Variants in RBM19 observed in about 807,000 individuals in gnomAD.
RBM19 encodes the protein probable RNA-binding protein 19.
Under a neutral mutation model 116.8 loss-of-function variants are expected in RBM19, and 94 were observed. The observed-to-expected ratio is 0.80, with a 90% CI of 0.68 to 0.95. RBM19 has a LOEUF of 0.95. Ranked by LOEUF, RBM19 falls within the 40% of genes least tolerant of loss-of-function variation. RBM19 has a pLI of 0.00. For synonymous variants in RBM19, 475 were observed against 494.1 expected, an observed-to-expected ratio of 0.96 and a Z score of 0.51; for missense variants, 1,161 against 1,220.7, an observed-to-expected ratio of 0.95 and a Z score of 0.73.
chr12:113,942,714 A>G (rs539923970), intron 13 of RBM19, among the ~76,000 whole-genome samples: 6 of 151,518 alleles, frequency 4.0e-5, no homozygotes, highest in Admixed American at 4.0e-4. Flanking sequence ...GACTCATGCA[A>G]TCTTCACACT....
chr12:113,941,681 C>A (rs532272920), intron 14 of RBM19, among the ~76,000 whole-genome samples: 44 of 151,122 alleles, frequency 2.9e-4, no homozygotes, highest in Non-Finnish European at 5.6e-4. Context: ...ATCCATCCAC[C>A]CATCCCCCAT....
At chr12:113,960,223 G>C in intron 2 of RBM19, 45 bp from the exon 3 acceptor site, 1 of 1,611,554 alleles carries the variant, frequency 6.2e-7, no homozygotes, top group Non-Finnish European at 8.5e-7. Context: ...ATGGCACCCA[G>C]GCGTTGGGTG....
chr12:113,851,974 C>T (rs1437111859), intron 22 of RBM19, among the ~76,000 whole-genome samples: 3 of 151,742 alleles, frequency 2.0e-5, no homozygotes, highest in East Asian at 1.9e-4. Context: ...TCGCTTGAAC[C>T]GAGGAGGTGG....
At chr12:113,828,089 G>A (rs889957454) in intron 23 of RBM19, among the ~76,000 whole-genome samples, 8 of 131,028 alleles carry the variant, frequency 6.1e-5, no homozygotes, top group East Asian at 2.3e-4. Flanking sequence ...AGCAGCTCTC[G>A]ACTCTGTCTC....
chr12:113,915,562 T>C (rs1199867216), intron 20 of RBM19, among the ~76,000 whole-genome samples: 1 of 152,168 alleles, frequency 6.6e-6, no homozygotes, highest in Non-Finnish European at 1.5e-5. Flanking sequence ...CCATCCCCAA[T>C]GCAGTGCTAC....
intron 21 of RBM19, among the ~76,000 whole-genome samples, chr12:113,884,762 G>T (rs1455935896): frequency 1.3e-5 from 2 of 151,920 alleles, no homozygotes; most frequent in African/African-American, 4.8e-5. Flanking sequence ...AATAACTTAA[G>T]GGTCGAAAAA....
At chr12:113,927,591 CAA>C (rs764020256) in intron 16 of RBM19, among the ~76,000 whole-genome samples, 1 of 63,058 alleles carries the variant, frequency 1.6e-5, no homozygotes. Flanking sequence ...CCTCAAAAAA[CAA>C]AAAAAAAAAA....
intron 21 of RBM19, among the ~76,000 whole-genome samples, chr12:113,861,507 T>TGTGTGTGTGTGC (rs1315884028): frequency 1.4e-5 from 2 of 143,858 alleles, no homozygotes; most frequent in African/African-American, 2.5e-5. Context: ...TGTGTGTGTG[T>TGTGTGTGTGTGC]GTGTGTGAAG....
Position 113,952,605 on chromosome 12 carries a change from T to A in RBM19, c.922-15A>T. 1.2e-6 allele frequency: 2 copies of A among 1,606,242 alleles called. No homozygotes were observed. Among genetic ancestry groups the A allele is most frequent in the Non-Finnish European group, 1.7e-6 (2 of 1,172,952 alleles). On this transcript the variant is annotated splice_polypyrimidine_tract_variant and intron_variant, in intron 7 of 23. Coordinates refer to ENST00000261741, the MANE Select transcript of RBM19 (RefSeq NM_016196.4). ...ATAACATTTTTCTGTGAGAAGAAGT[T>A]TTTTTCCCCTTACCAACCACATAAT... is the stretch of plus-strand genomic sequence containing the variant.
chr12:113,875,073 T>C (rs908041294), intron 21 of RBM19, among the ~76,000 whole-genome samples: 1 of 152,200 alleles, frequency 6.6e-6, no homozygotes, highest in Non-Finnish European at 1.5e-5. Flanking sequence ...CTGCAGAAGA[T>C]GCAAGCGGCG....
At chr12:113,921,001 A>G (rs4767166) in intron 18 of RBM19, among the ~76,000 whole-genome samples, 97,231 of 152,048 alleles carry the variant, frequency 0.64, 31,809 homozygotes, top group East Asian at 0.99. Flanking sequence ...GATGACCATC[A>G]TGAAGGCAAG....
chr12:113,966,054 G>A (rs1488258807), intron 1 of RBM19, 138 bp downstream of exon 1: 7 of 927,086 alleles, frequency 7.6e-6, no homozygotes, highest in African/African-American at 1.6e-5. Context: ...CCAGGATCCC[G>A]CCCCCTTTGA....
intron 23 of RBM19, among the ~76,000 whole-genome samples, chr12:113,838,182 T>C (rs1876130029): frequency 6.6e-6 from 1 of 152,136 alleles, no homozygotes; most frequent in South Asian, 2.1e-4. Flanking sequence ...ATCACACACA[T>C]AACTGCACTC....
chr12:113,874,370 G>T (rs1308522814), intron 21 of RBM19, among the ~76,000 whole-genome samples: 1 of 152,204 alleles, frequency 6.6e-6, no homozygotes, highest in Admixed American at 6.5e-5. Flanking sequence ...AATAAGAAAC[G>T]GGGAGTGGGA....
chr12:113,847,706 G>A (rs888029135), intron 22 of RBM19, among the ~76,000 whole-genome samples: 49 of 152,126 alleles, frequency 3.2e-4, no homozygotes, highest in Non-Finnish European at 2.2e-4. Flanking sequence ...AGGTAGGTCC[G>A]GGTGAGAGGC....
chr12:113,875,885 G>C (rs1223236382), intron 21 of RBM19, among the ~76,000 whole-genome samples: 1 of 152,162 alleles, frequency 6.6e-6, no homozygotes, highest in Admixed American at 6.5e-5. Context: ...GGGGCCGTTT[G>C]TGTGAATCTC....
chr12:113,902,879 G>C (rs569018514), intron 21 of RBM19, among the ~76,000 whole-genome samples: 1 of 152,166 alleles, frequency 6.6e-6, no homozygotes, highest in Admixed American at 6.5e-5. Flanking sequence ...TTCCTTTTAT[G>C]GGGGGGTTAG....
chr12:113,817,804 TTAGGAACAGGC>T (rs1874148101), downstream of RBM19: 2 of 152,278 alleles, frequency 1.3e-5, no homozygotes, highest in Admixed American at 1.3e-4. Flanking sequence ...GTTGAAAGGG[TTAGGAACAGGC>T]TGGGCATGGT....
chr12:113,923,809 A>G (rs528449382), intron 18 of RBM19, among the ~76,000 whole-genome samples: 1 of 152,292 alleles, frequency 6.6e-6, no homozygotes, highest in South Asian at 2.1e-4. Context: ...CCACCAGCAC[A>G]TTGGTCTCTC....
Sources: allele counts gnomAD v4.1 joint callset (sites outside exome capture counted in the v4.1 genomes callset), GRCh38; gene constraint gnomAD v4.1.1; transcripts MANE v1.5; gene names NCBI Gene and HGNC (gene_info 2026-07-23, HGNC 2026-07-21).